The following KRT35 variants were observed in gnomAD, a reference collection of about 807,000 sequenced individuals.
KRT35 encodes keratin 35.
In KRT35, 33 loss-of-function variants were observed where a neutral mutation model predicts 42.2. The observed-to-expected ratio is 0.78, with a 90% confidence interval of 0.59 to 1.05. The LOEUF (loss-of-function observed/expected upper bound fraction) is 1.05, where lower values mean the gene tolerates loss of function less well. Among genes scored for constraint, KRT35 ranks in the 50% least tolerant of loss-of-function variants. The probability of loss-of-function intolerance (pLI) is 0.00; values close to 1 mark genes in which losing one functional copy is unlikely to be tolerated. For synonymous variants in KRT35, 218 were observed against 238.2 expected (o/e 0.92, Z 0.78); for missense variants, 585 against 589.2 (o/e 0.99, Z 0.07).
intron 4 of KRT35, 83 bp from the exon 5 acceptor site, chr17:41,478,569 G>A (rs1008939876): frequency 2.0e-6 from 3 of 1,501,894 alleles, no homozygotes; most frequent in South Asian, 2.5e-5. Flanking sequence ...AGAATCATGA[G>A]CCAAGAAAGA....
chr17:41,479,282 C>A, intron 3 of KRT35, 65 bp downstream of exon 3: 3 of 1,547,690 alleles, frequency 1.9e-6, no homozygotes, highest in African/African-American at 1.4e-5. Context: ...TCACCTCCTC[C>A]CCATGTTCAC....
intron 6 of KRT35, 149 bp from the exon 7 acceptor site, chr17:41,477,352 A>G (rs536359999): frequency 1.5e-6 from 2 of 1,326,714 alleles, no homozygotes; most frequent in South Asian, 1.5e-5. Flanking sequence ...AGGCCCTGAG[A>G]GGAAAGGGGG....
At position 41,480,649 on chromosome 17, in the gene KRT35, G is replaced by T; in HGVS notation, c.449C>A (p.Thr150Asn). ...MCPDYQSYFR[T>N]IEELQKKTLC... ...TACCTTCTTCTGGAGCTCCTCGATG[G>T]TCCGGAAGTAGGACTGGTAGTCAGG... The change falls in exon 1 of 7, where the codon ACC becomes AAC. Residue 150 changes from threonine (T) to asparagine (N), a missense_variant. Transcript: ENST00000246639. 6.2e-7 allele frequency: 1 copy of T among 1,613,858 alleles called. No homozygotes were observed. Among genetic ancestry groups the T allele is most frequent in the South Asian group, 1.1e-5 (1 of 91,080 alleles).
chr17:41,479,379 C>T lies in KRT35; in HGVS notation c.679G>A (p.Glu227Lys), dbSNP rs539923793. 18 of 1,614,132 alleles carry T rather than the reference C, an allele frequency of 1.1e-5. No individual in the cohort carries two copies. The highest frequency in any genetic ancestry group is 3.3e-4 in the Middle Eastern group (2 of 6,062). Reference protein sequence around the residue: ...LEAQVESLKEELLCLKKNHEE... With the variant: ...LEAQVESLKEKLLCLKKNHEE... ...TGGTTCTTCTTCAGGCAGAGCAGCT[C>T]CTCCTTCAGGGACTCCACCTGGGCC... is the stretch of plus-strand genomic sequence containing the variant. Residue 227 changes from glutamate to lysine, a missense_variant, in exon 3 of 7, where the codon GAG becomes AAG. Transcript: ENST00000246639.
chr17:41,479,299 C>A (rs375475192), intron 3 of KRT35, 48 bp downstream of exon 3: 47 of 1,582,728 alleles, frequency 3.0e-5, no homozygotes, highest in Non-Finnish European at 4.0e-5. Context: ...TCACCTCCTC[C>A]CCCATGCTCA....
chr17:41,477,690 A>G lies in KRT35; in HGVS notation c.1048T>C (p.Ser350Pro). The change falls in exon 6 of 7, where the codon TCC becomes CCC. Residue 350 changes from serine to proline, a missense_variant. Ser to Pro is a moderately conservative substitution (Grantham distance 74). Coordinates refer to ENST00000246639, the MANE Select transcript of KRT35 (RefSeq NM_002280.6). ...ATGCACTGCATCTGGGCCAGCTGGG[A>G]GCTATAGCGGGCCTCCGTCTCTGCC... is the stretch of plus-strand genomic sequence containing the variant. The part of the protein sequence containing the change: ...TLAETEARYS[S>P]QLAQMQCMIT... 6.2e-7 allele frequency: 1 copy of G among 1,614,214 alleles called. No homozygotes were observed. Among genetic ancestry groups the G allele is most frequent in the Non-Finnish European group, 8.5e-7 (1 of 1,180,048 alleles).
Position 41,477,600 on chromosome 17 carries a change from A to T in KRT35, c.1138T>A (p.Tyr380Asn). The T allele has an allele frequency of 1.2e-6, 2 of 1,613,988 alleles. No homozygotes were observed. The highest frequency in any genetic ancestry group is 1.7e-6 in the Non-Finnish European group (2 of 1,179,984). ...GCCCGGACGTCCAGCAGCACCTGGT[A>T]CTCCTGGTTCTGCCGCTCCAGGTCA... is the stretch of plus-strand genomic sequence containing the variant. ...RADLERQNQEYQVLLDVRARL... is the reference protein window; with the variant it reads ...RADLERQNQENQVLLDVRARL... The change falls in exon 6 of 7, where the codon TAC (tyrosine) becomes AAC (asparagine). Residue 380 changes from tyrosine to asparagine, a missense_variant. Physicochemically the swap from Tyr to Asn is moderately radical, Grantham distance 143. Transcript: ENST00000246639.
At position 41,477,567 on chromosome 17, in the gene KRT35, C is replaced by G. The variant is rs1258779761; in HGVS notation, c.1171G>C (p.Glu391Gln). The change falls in exon 6 of 7, where the codon GAG (glutamate) becomes CAG (glutamine). Residue 391 changes from glutamate (E) to glutamine (Q), a missense_variant. Physicochemically the swap from Glu to Gln is conservative, Grantham distance 29. Coordinates refer to ENST00000246639, the MANE Select transcript of KRT35 (RefSeq NM_002280.6). ...QVLLDVRARL[E>Q]CEINTYRGLL... ...CCCCGGTACGTGTTGATCTCACACTCCAGCCGGGCCCGGACGTCCAGCAGC... is the reference window on the plus strand; with the variant it reads ...CCCCGGTACGTGTTGATCTCACACTGCAGCCGGGCCCGGACGTCCAGCAGC... 1.9e-6 allele frequency: 3 copies of G among 1,613,624 alleles called. No homozygotes were observed. The highest frequency in any genetic ancestry group is 2.5e-6 in the Non-Finnish European group (3 of 1,179,912).
intron 3 of KRT35, 120 bp downstream of exon 3, chr17:41,479,227 C>T (rs779320542): frequency 7.1e-5 from 84 of 1,182,730 alleles, no homozygotes; most frequent in Non-Finnish European, 9.1e-5. Flanking sequence ...TGCACACCTG[C>T]TCCCTCATGT....
chr17:41,479,847 C>G (rs2019230658), intron 1 of KRT35, 66 bp from the exon 2 acceptor site: 1 of 1,268,472 alleles, frequency 7.9e-7, no homozygotes, highest in East Asian at 2.3e-5. Context: ...CTCCCTAAAG[C>G]TGACAAGGGC....
Position 41,480,929 on chromosome 17 carries a change from C to A in KRT35, c.169G>T (p.Gly57Cys), listed in dbSNP as rs1192700938. Reference sequence around the variant, plus strand: ...CTGGTGGCCCTGTAGCTGCTTCTGCCCAGACCCACTGAGCAGGCAGAGAAA... The same window carrying A: ...CTGGTGGCCCTGTAGCTGCTTCTGCACAGACCCACTGAGCAGGCAGAGAAA... ...RSFSACSVGL[G>C]RSSYRATSCL... The change falls in exon 1 of 7, where the codon GGC becomes TGC. Residue 57 changes from glycine to cysteine, a missense_variant. Gly to Cys is a radical substitution (Grantham distance 159, BLOSUM62 -3). Coordinates refer to ENST00000246639, the MANE Select transcript of KRT35 (RefSeq NM_002280.6). The A allele has an allele frequency of 1.2e-6, 2 of 1,614,044 alleles. No individual in the cohort carries two copies. Among genetic ancestry groups the A allele is most frequent in the African/African-American group, 2.7e-5 (2 of 74,906 alleles).
chr17:41,478,172 T>C (rs2019204794), intron 5 of KRT35, among the ~76,000 whole-genome samples, 189 bp downstream of exon 5: 1 of 152,192 alleles, frequency 6.6e-6, no homozygotes, highest in Admixed American at 6.5e-5. Context: ...ACAGGTCTCT[T>C]GTCCTTTACC....
rs1270941353 is a variant in KRT35, at chr17:41,478,350, T to C, written c.999+11A>G. 6.8e-6 allele frequency: 11 copies of C among 1,612,066 alleles called. No individual in the cohort carries two copies. In the South Asian group the frequency reaches 1.1e-4, roughly 16 times the overall value. On this transcript the variant is annotated intron_variant, in intron 5 of 6. Coordinates refer to ENST00000246639, the MANE Select transcript of KRT35 (RefSeq NM_002280.6). The stretch of plus-strand genomic sequence containing the variant: ...GGTCCAGAGGCAGCTCCACCCTGCC[T>C]TGGGGCTCACCATGCTGTGCTGAGC...
rs776307492 is a variant in KRT35 at position 41,480,899 on chromosome 17, G to A, written c.199C>T (p.Leu67Phe). ...GRSSYRATSC[L>F]PALCLPAGGF... ...CCAGCAGGGAGGCAGAGAGCAGGGAGGCAGCTGGTGGCCCTGTAGCTGCTT... is the reference window on the plus strand; with the variant it reads ...CCAGCAGGGAGGCAGAGAGCAGGGAAGCAGCTGGTGGCCCTGTAGCTGCTT... The change falls in exon 1 of 7, where the codon CTC (leucine) becomes TTC (phenylalanine). Residue 67 changes from leucine (L) to phenylalanine (F), a missense_variant. Coordinates refer to ENST00000246639, the MANE Select transcript of KRT35 (RefSeq NM_002280.6). The A allele has an allele frequency of 1.2e-6, 2 of 1,614,220 alleles. No individual in the cohort carries two copies. The highest frequency in any genetic ancestry group is 2.2e-5 in the South Asian group (2 of 91,092).
intron 5 of KRT35, 151 bp downstream of exon 5, chr17:41,478,210 C>T: frequency 4.0e-6 from 3 of 757,906 alleles, no homozygotes; most frequent in Non-Finnish European, 6.2e-6. Flanking sequence ...TGGAGCTGGT[C>T]CCTCATTCCC....
rs743686 is a variant in KRT35, at chr17:41,480,992, A to G, written c.106T>C (p.Ser36Pro). The change falls in exon 1 of 7, where the codon TCT becomes CCT. Residue 36 changes from serine (S) to proline (P), a missense_variant. Transcript: ENST00000246639. ...GGGGAGAGACTTGGAAGCTTGCAAG[A>G]GCTGCTGGAGTACATTGCGGACACA... ...TRVSAMYSSS[S>P]CKLPSLSPVA... 896,118 of 1,613,622 alleles carry G rather than the reference A, an allele frequency of 0.56. 251,976 individuals are homozygous for G. Among genetic ancestry groups the G allele is most frequent in the African/African-American group, 0.71 (52,979 of 74,946 alleles).
intron 5 of KRT35, 33 bp from the exon 6 acceptor site, chr17:41,477,771 A>C: frequency 6.3e-7 from 1 of 1,594,902 alleles, no homozygotes; most frequent in African/African-American, 1.3e-5. Context: ...GGGAGGAAAA[A>C]GGCTAGAGGT....
At position 41,480,645 on chromosome 17, in the gene KRT35, G is replaced by A. The variant is rs544871925; in HGVS notation, c.453C>T (p.Ile151=). 139 of 1,613,562 alleles carry A rather than the reference G, an allele frequency of 8.6e-5. No individual in the cohort carries two copies. Among genetic ancestry groups the A allele is most frequent in the South Asian group, 8.0e-4 (73 of 91,070 alleles). The part of the protein sequence containing the change: ...CPDYQSYFRT[I]EELQKKTLCS... ...CTCTTACCTTCTTCTGGAGCTCCTCGATGGTCCGGAAGTAGGACTGGTAGT... is the reference window on the plus strand; with the variant it reads ...CTCTTACCTTCTTCTGGAGCTCCTCAATGGTCCGGAAGTAGGACTGGTAGT... The change falls in exon 1 of 7, where the codon ATC becomes ATT. Residue 151 remains isoleucine, a synonymous_variant. Transcript: ENST00000246639.
Position 41,477,098 on chromosome 17 carries a change from G to A in KRT35, c.1326C>T (p.Ser442=), listed in dbSNP as rs368599803. The change falls in exon 7 of 7, where the codon AGC becomes AGT. Residue 442 remains serine (S), a synonymous_variant. Transcript: ENST00000246639. ...CGPSAARTNC[S]PRPICVPCPG... ...GGCAGGGCACACAAATGGGGCGGGG[G>A]CTGCAGTTTGTGCGGGCTGCACTAG... The A allele has an allele frequency of 2.1e-4, 343 of 1,605,946 alleles. No homozygotes were observed. Among genetic ancestry groups the A allele is most frequent in the Non-Finnish European group, 2.5e-4 (289 of 1,177,178 alleles).
Sources: gnomAD v4.1 joint callset for allele counts (sites outside exome capture counted in the v4.1 genomes callset) on GRCh38, gnomAD v4.1.1 for gene constraint, MANE v1.5 for transcripts, NCBI Gene and HGNC (gene_info 2026-07-23, HGNC 2026-07-21) for gene names.